The following SCFD2 variants were observed in gnomAD, a reference collection of about 807,000 sequenced individuals.
SCFD2 encodes the protein sec1 family domain containing 2.
A neutral mutation model predicts 58.9 loss-of-function variants in SCFD2; 54 were observed. The observed-to-expected ratio is 0.92, with a 90% CI of 0.74 to 1.15. SCFD2 has a LOEUF of 1.15. SCFD2 is among the 50% of genes most tolerant of loss of function. The pLI, the probability that SCFD2 is intolerant of heterozygous loss-of-function variation, is 0.00. For missense variants in SCFD2, 805 were observed against 836.6 expected (o/e 0.96, Z 0.47); for synonymous variants, 321 against 335.9 (o/e 0.96, Z 0.49).
chr4:53,043,068 G>T (rs1185091177), intron 5 of SCFD2, among the ~76,000 whole-genome samples: 2 of 152,206 alleles, frequency 1.3e-5, no homozygotes, highest in Non-Finnish European at 2.9e-5. Flanking sequence ...ACGGCAGTGG[G>T]TTCAGCTACC....
At chr4:52,924,579 C>T (rs1481282517) in intron 5 of SCFD2, among the ~76,000 whole-genome samples, 2 of 152,174 alleles carry the variant, frequency 1.3e-5, no homozygotes, top group Non-Finnish European at 2.9e-5. Flanking sequence ...CTGTCATCCT[C>T]AAAGTTCTAT....
intron 5 of SCFD2, among the ~76,000 whole-genome samples, chr4:53,103,940 C>A (rs1437634841): frequency 7.2e-6 from 1 of 138,832 alleles, no homozygotes; most frequent in African/African-American, 2.7e-5. Flanking sequence ...TGGAGTATAA[C>A]CCAAAATACA....
intron 5 of SCFD2, among the ~76,000 whole-genome samples, chr4:53,106,102 C>T (rs1724994084): frequency 6.6e-6 from 1 of 152,166 alleles, no homozygotes; most frequent in Admixed American, 6.5e-5. Flanking sequence ...GACCTGCAAA[C>T]ACTAGCAGAC....
At chr4:53,154,623 T>C (rs1315297879) in intron 4 of SCFD2, among the ~76,000 whole-genome samples, 2 of 152,236 alleles carry the variant, frequency 1.3e-5, no homozygotes, top group Admixed American at 6.5e-5. Flanking sequence ...GCTTATAGGA[T>C]GTTGCCAGTG....
intron 5 of SCFD2, chr4:52,948,649 A>G (rs1477827892): frequency 7.1e-6 from 3 of 419,744 alleles, no homozygotes; most frequent in African/African-American, 2.0e-5. Flanking sequence ...CTAATTTCCA[A>G]CTCCTACTTA....
At chr4:53,074,643 GAAC>G (rs1463365003) in intron 5 of SCFD2, among the ~76,000 whole-genome samples, 2 of 152,156 alleles carry the variant, frequency 1.3e-5, no homozygotes, top group Non-Finnish European at 2.9e-5. Flanking sequence ...GCAGGCATAA[GAAC>G]AACATTCATC....
At chr4:53,142,773 G>C (rs765601142) in intron 5 of SCFD2, among the ~76,000 whole-genome samples, 3 of 152,172 alleles carry the variant, frequency 2.0e-5, no homozygotes, top group Non-Finnish European at 2.9e-5. Flanking sequence ...TACTTAGTAA[G>C]AGGTATGTCT....
chr4:53,306,012 G>A (rs1732502121), intron 3 of SCFD2, among the ~76,000 whole-genome samples: 1 of 152,120 alleles, frequency 6.6e-6, no homozygotes. Flanking sequence ...CCTATGTTAG[G>A]TGCAAAGAAT....
intron 4 of SCFD2, among the ~76,000 whole-genome samples, chr4:53,156,416 A>G (rs968693060): frequency 2.1e-5 from 3 of 144,020 alleles, no homozygotes; most frequent in Middle Eastern, 3.9e-3. Context: ...AAAAAAAAAG[A>G]AAAGAAAAAA....
At chr4:52,966,525 C>T (rs517914) in intron 5 of SCFD2, among the ~76,000 whole-genome samples, 82,300 of 151,944 alleles carry the variant, frequency 0.54, 22,481 homozygotes, top group South Asian at 0.65. Flanking sequence ...ATCTCAACCA[C>T]CCCTTACTCA....
intron 5 of SCFD2, among the ~76,000 whole-genome samples, chr4:53,128,943 C>A (rs1382917319): frequency 1.3e-5 from 2 of 152,104 alleles, no homozygotes; most frequent in Non-Finnish European, 2.9e-5. Flanking sequence ...GAAAAGAACC[C>A]CCAAATTGTA....
intron 4 of SCFD2, among the ~76,000 whole-genome samples, chr4:53,168,822 T>C (rs1727090451): frequency 6.6e-6 from 1 of 152,220 alleles, no homozygotes; most frequent in East Asian, 1.9e-4. Context: ...GTCACCACAC[T>C]GTGCAACAGA....
intron 3 of SCFD2, among the ~76,000 whole-genome samples, chr4:53,294,223 T>A (rs554994363): frequency 2.6e-5 from 4 of 152,178 alleles, no homozygotes; most frequent in African/African-American, 4.8e-5. Flanking sequence ...CACCACACTG[T>A]CTTCCACAAT....
chr4:53,129,824 C>A (rs1465986507), intron 5 of SCFD2, among the ~76,000 whole-genome samples: 1 of 152,148 alleles, frequency 6.6e-6, no homozygotes, highest in African/African-American at 2.4e-5. Context: ...TTATTCTAGG[C>A]ACTGGTGGCC....
At chr4:53,352,187 T>C (rs1734240888) in intron 2 of SCFD2, among the ~76,000 whole-genome samples, 1 of 152,234 alleles carries the variant, frequency 6.6e-6, no homozygotes, top group Admixed American at 6.5e-5. Flanking sequence ...TCCACAGGTA[T>C]ATCATCTAAT....
chr4:53,022,175 G>A (rs1338287065), intron 5 of SCFD2, among the ~76,000 whole-genome samples: 1 of 152,180 alleles, frequency 6.6e-6, no homozygotes, highest in East Asian at 1.9e-4. Context: ...GCAAAAGGAT[G>A]TCAAATGTTA....
At chr4:53,218,437 C>T (rs1728930310) in intron 4 of SCFD2, among the ~76,000 whole-genome samples, 1 of 152,186 alleles carries the variant, frequency 6.6e-6, no homozygotes, top group South Asian at 2.1e-4. Flanking sequence ...TTCAAATTGG[C>T]TACTGAAGCT....
In SCFD2 at chr4:53,365,886, GCCAGCACCTGCTC is replaced by G; in HGVS notation, c.43_55del (p.Glu15ProfsTer3). The G allele has an allele frequency of 6.2e-7, 1 of 1,603,056 alleles. No individual in the cohort carries two copies. Among genetic ancestry groups the G allele is most frequent in the Non-Finnish European group, 8.5e-7 (1 of 1,177,052 alleles). On this transcript the variant is annotated frameshift_variant, in exon 1 of 9. Coordinates refer to ENST00000401642, the MANE Select transcript of SCFD2 (RefSeq NM_152540.4). LOFTEE classifies it high-confidence loss of function. This position sits in a 1 kb window ranked among gnomAD's most constrained non-coding sequence, Gnocchi z 4.3. ...GTAAACCACAGCCCGTTTCACTTTG[GCCAGCACCTGCTC>G]CCATCCTTGCTGGGTAAAGGACAGT...
intron 5 of SCFD2, among the ~76,000 whole-genome samples, chr4:53,081,262 T>A (rs1724138685): frequency 6.6e-6 from 1 of 152,148 alleles, no homozygotes. Flanking sequence ...TTTTTTTATT[T>A]CAACTTTTAT....
Sources: allele counts gnomAD v4.1 joint callset (sites outside exome capture counted in the v4.1 genomes callset), GRCh38; gene constraint gnomAD v4.1.1; non-coding constraint Gnocchi (gnomAD v3.1); transcripts MANE v1.5; gene names NCBI Gene and HGNC (gene_info 2026-07-23, HGNC 2026-07-21).